The following TAFA4 variants were observed in gnomAD, a reference collection of about 807,000 sequenced individuals.
TAFA4 encodes chemokine-like protein TAFA-4.
In TAFA4, 20 loss-of-function variants were observed where a neutral mutation model predicts 21.1. The ratio of observed to expected loss-of-function variants is 0.95; its 90% CI spans 0.67 to 1.38. The LOEUF (loss-of-function observed/expected upper bound fraction) is 1.38. TAFA4 is among the 40% of genes most tolerant of loss of function. The probability of loss-of-function intolerance (pLI) is 0.00; values close to 1 mark genes in which losing one functional copy is unlikely to be tolerated. For synonymous variants in TAFA4, 71 were observed against 67.4 expected (o/e 1.05, Z -0.26); for missense variants, 211 against 180.9 (o/e 1.17, Z -0.95).
At chr3:68,760,627 C>CCTAT (rs1290543080) in intron 3 of TAFA4, among the ~76,000 whole-genome samples, 1 of 152,148 alleles carries the variant, frequency 6.6e-6, no homozygotes, top group Non-Finnish European at 1.5e-5. Context: ...GCATTTTCAG[C>CCTAT]CTATCTCTCC....
At chr3:68,851,359 G>C (rs1413827829) in intron 3 of TAFA4, among the ~76,000 whole-genome samples, 2 of 152,120 alleles carry the variant, frequency 1.3e-5, no homozygotes, top group Non-Finnish European at 2.9e-5. Flanking sequence ...TGTAGGGAGG[G>C]AGAACATTAG....
chr3:68,766,801 G>T (rs183952795), intron 3 of TAFA4, among the ~76,000 whole-genome samples: 1 of 152,204 alleles, frequency 6.6e-6, no homozygotes, highest in East Asian at 1.9e-4. Flanking sequence ...TTTCCTCATG[G>T]AATTCAAATT....
intron 4 of TAFA4, among the ~76,000 whole-genome samples, chr3:68,748,092 C>G (rs10049352): frequency 0.67 from 102,573 of 152,078 alleles, 35,050 homozygotes; most frequent in East Asian, 0.99. Flanking sequence ...ATTAATAAAA[C>G]TTTGTTTCTC....
chr3:68,932,231 C>T lies in TAFA4; in HGVS notation c.-123+9G>A, dbSNP rs921730599. On this transcript the variant is annotated intron_variant, in intron 1 of 5. Coordinates refer to ENST00000295569, the MANE Select transcript of TAFA4 (RefSeq NM_182522.5). ...CTCGCCCCTCCTTATCCCTTCCAACCCTTCTTACTCGACTAGAGCCGGCAT... is the reference window on the plus strand; with the variant it reads ...CTCGCCCCTCCTTATCCCTTCCAACTCTTCTTACTCGACTAGAGCCGGCAT... The T allele has an allele frequency of 2.6e-5, 4 of 152,186 alleles. No individual in the cohort carries two copies. Among genetic ancestry groups the T allele is most frequent in the Admixed American group, 2.6e-4 (4 of 15,280 alleles). 9.4% of individuals were successfully genotyped at this position (152,186 alleles called of 1,614,324 possible). A position where few individuals can be genotyped will look rare whatever the true frequency, so the allele number is the denominator to read the frequency against.
intron 3 of TAFA4, among the ~76,000 whole-genome samples, chr3:68,831,334 C>A (rs926032212): frequency 1.3e-5 from 2 of 152,174 alleles, no homozygotes; most frequent in African/African-American, 4.8e-5. Flanking sequence ...ACCGTTGTCC[C>A]TTTCCATGTT....
At chr3:68,754,254 T>C (rs1282968790) in intron 3 of TAFA4, among the ~76,000 whole-genome samples, 1 of 152,218 alleles carries the variant, frequency 6.6e-6, no homozygotes. Flanking sequence ...ATTTTGCCAA[T>C]GTCCCAATAA....
At position 68,820,757 on chromosome 3, in the gene TAFA4, TA is replaced by T. The variant is rs535382092; in HGVS notation, c.130+59972del. 6.6e-5 allele frequency among the ~76,000 whole-genome samples: 10 copies of T among 152,310 alleles called. No individual in the cohort carries two copies. The South Asian group carries it at 1.7e-3, about 25-fold the overall frequency. On this transcript the variant is annotated intron_variant, in intron 3 of 5. Transcript: ENST00000295569. The stretch of plus-strand genomic sequence containing the variant: ...TATGTGAGGGAATACCTATGTTACA[TA>T]GCTTGATTTAGCCTCTCCACAATGT...
chr3:68,910,769 G>A (rs542675028), intron 1 of TAFA4, among the ~76,000 whole-genome samples: 1 of 152,176 alleles, frequency 6.6e-6, no homozygotes, highest in Non-Finnish European at 1.5e-5. Context: ...GGATTTTGCA[G>A]GGAGTTATTC....
At chr3:68,749,780 A>C (rs544182353) in intron 4 of TAFA4, among the ~76,000 whole-genome samples, 43 of 152,352 alleles carry the variant, frequency 2.8e-4, no homozygotes, top group Non-Finnish European at 4.1e-4. Flanking sequence ...ACATGTTTAC[A>C]TCAAGCATAA....
chr3:68,899,441 G>A (rs1041623439), intron 1 of TAFA4, among the ~76,000 whole-genome samples: 33 of 151,192 alleles, frequency 2.2e-4, no homozygotes, highest in African/African-American at 6.8e-4. Context: ...TGGCATTTAC[G>A]GAAGGCTTCT....
chr3:68,763,991 A>T (rs1314215982), intron 3 of TAFA4, among the ~76,000 whole-genome samples: 1 of 152,148 alleles, frequency 6.6e-6, no homozygotes, highest in Non-Finnish European at 1.5e-5. Context: ...GATACAACTT[A>T]CTTCTTAGTG....
intron 3 of TAFA4, among the ~76,000 whole-genome samples, chr3:68,870,178 A>G (rs2089466600): frequency 6.6e-6 from 1 of 152,108 alleles, no homozygotes; most frequent in Non-Finnish European, 1.5e-5. Context: ...AAACTATTAA[A>G]CATTGATGAA....
chr3:68,894,554 C>T (rs940724205), intron 1 of TAFA4, among the ~76,000 whole-genome samples: 9 of 152,158 alleles, frequency 5.9e-5, no homozygotes, highest in Admixed American at 4.6e-4. Flanking sequence ...GCAGACTCAG[C>T]GCTGGCATTA....
intron 3 of TAFA4, among the ~76,000 whole-genome samples, chr3:68,822,511 C>G (rs1313028457): frequency 1.3e-5 from 2 of 152,164 alleles, no homozygotes; most frequent in Non-Finnish European, 2.9e-5. Flanking sequence ...CACTTTGTCA[C>G]CCAGGCTAAA....
intron 1 of TAFA4, among the ~76,000 whole-genome samples, chr3:68,897,975 G>C (rs1017380599): frequency 1.3e-5 from 2 of 152,216 alleles, no homozygotes; most frequent in Non-Finnish European, 2.9e-5. Context: ...CTGGTAGACA[G>C]CAAGGTTGCA....
chr3:68,800,654 G>A (rs937204425), intron 3 of TAFA4, among the ~76,000 whole-genome samples: 1 of 152,196 alleles, frequency 6.6e-6, no homozygotes. Context: ...CAACTGGTCT[G>A]CTCCACACTT....
rs138829010 is a variant in TAFA4, at chr3:68,861,781, A to C, written c.130+18949T>G. Among the ~76,000 whole-genome samples the C allele has an allele frequency of 1.3e-3, 199 of 152,212 alleles. 2 individuals carry two copies. Among genetic ancestry groups the C allele is most frequent in the African/African-American group, 4.7e-3 (196 of 41,570 alleles). On this transcript the variant is annotated intron_variant, in intron 3 of 5. Transcript: ENST00000295569. ...CAGGGAGAAAAGGGAAGTAGAAGGC[A>C]GTGGAAAATCAAGCCTCCTGTGACC...
chr3:68,869,618 T>A (rs1246091242), intron 3 of TAFA4, among the ~76,000 whole-genome samples: 2 of 152,060 alleles, frequency 1.3e-5, no homozygotes, highest in Non-Finnish European at 1.5e-5. Context: ...AACCATACGA[T>A]CATTTCCACA....
At chr3:68,892,480 C>T (rs1042874158) in intron 1 of TAFA4, among the ~76,000 whole-genome samples, 17 of 152,018 alleles carry the variant, frequency 1.1e-4, no homozygotes, top group African/African-American at 4.1e-4. Context: ...ATGGGTATGA[C>T]GTACATTAAT....
Sources: allele counts gnomAD v4.1 joint callset (sites outside exome capture counted in the v4.1 genomes callset), GRCh38; gene constraint gnomAD v4.1.1; transcripts MANE v1.5; gene names NCBI Gene and HGNC (gene_info 2026-07-23, HGNC 2026-07-21).